The following DDX10 variants were observed in gnomAD, a reference collection of about 807,000 sequenced individuals.
DDX10 encodes probable ATP-dependent RNA helicase DDX10.
In DDX10, 74 loss-of-function variants were observed where a neutral mutation model predicts 104.3. That is an observed-to-expected ratio of 0.71 (90% CI 0.59 to 0.86). The LOEUF is 0.86. Among genes scored for constraint, DDX10 ranks in the 40% least tolerant of loss-of-function variants. The pLI is 0.00. For synonymous variants in DDX10, 351 were observed against 353.4 expected, an observed-to-expected ratio of 0.99 and a Z score of 0.08; for missense variants, 952 against 1,040.0, an observed-to-expected ratio of 0.92 and a Z score of 1.16.
At chr11:108,735,342 A>C (rs1362616858) in intron 13 of DDX10, among the ~76,000 whole-genome samples, 1 of 152,164 alleles carries the variant, frequency 6.6e-6, no homozygotes, top group African/African-American at 2.4e-5. Flanking sequence ...TGTTAGCAAA[A>C]CCAACAGTAT....
At chr11:108,875,382 A>G (rs764129187) in intron 16 of DDX10, among the ~76,000 whole-genome samples, 2 of 152,180 alleles carry the variant, frequency 1.3e-5, no homozygotes, top group Non-Finnish European at 2.9e-5. Context: ...ATGGGTCACA[A>G]GCTTGTGAAA....
intron 16 of DDX10, among the ~76,000 whole-genome samples, chr11:108,876,123 A>G (rs1863151036): frequency 1.3e-5 from 2 of 152,148 alleles, no homozygotes; most frequent in Admixed American, 6.5e-5. Context: ...ATAATTGACT[A>G]TTTCTTGATA....
At chr11:108,803,425 C>G (rs1007916217) in intron 13 of DDX10, among the ~76,000 whole-genome samples, 6 of 151,992 alleles carry the variant, frequency 3.9e-5, no homozygotes, top group African/African-American at 1.4e-4. Flanking sequence ...GAAACCCCAT[C>G]TCTACTAAAA....
At chr11:108,671,234 G>T (rs1448682452) in intron 1 of DDX10, among the ~76,000 whole-genome samples, 1 of 152,202 alleles carries the variant, frequency 6.6e-6, no homozygotes, top group Non-Finnish European at 1.5e-5. Context: ...CTCTATCTCT[G>T]CTCACCACAA....
intron 8 of DDX10, among the ~76,000 whole-genome samples, chr11:108,693,074 G>A (rs1365675208): frequency 6.6e-6 from 1 of 152,098 alleles, no homozygotes; most frequent in East Asian, 1.9e-4. Context: ...AGGCCCCAGT[G>A]TGTGATGTTC....
intron 10 of DDX10, among the ~76,000 whole-genome samples, chr11:108,713,751 G>T (rs760388068): frequency 3.9e-5 from 6 of 152,190 alleles, no homozygotes; most frequent in Admixed American, 1.3e-4. Flanking sequence ...ATTATAAAAA[G>T]AATTGCTGTA....
chr11:108,909,878 C>CACGAAG (rs1863645514), intron 16 of DDX10, among the ~76,000 whole-genome samples: 1 of 152,124 alleles, frequency 6.6e-6, no homozygotes, highest in South Asian at 2.1e-4. Flanking sequence ...AAATAGCATG[C>CACGAAG]ACGAAGACTT....
chr11:108,874,574 G>C (rs1591105712), intron 16 of DDX10, among the ~76,000 whole-genome samples: 1 of 149,446 alleles, frequency 6.7e-6, no homozygotes, highest in East Asian at 1.9e-4. Flanking sequence ...GTATTGCTTT[G>C]TTGCCCAGTC....
intron 13 of DDX10, chr11:108,727,682 G>A (rs2094306966): frequency 6.5e-6 from 1 of 153,900 alleles, no homozygotes; most frequent in African/African-American, 2.4e-5. Context: ...AATCAAAACA[G>A]TAAAAATTCA....
intron 6 of DDX10, among the ~76,000 whole-genome samples, chr11:108,681,022 C>T (rs2094234250): frequency 6.6e-6 from 1 of 152,058 alleles, no homozygotes; most frequent in African/African-American, 2.4e-5. Context: ...ATTTTTGTGA[C>T]AATTAACAAT....
intron 10 of DDX10, among the ~76,000 whole-genome samples, chr11:108,715,194 A>G (rs1170409732): frequency 1.3e-5 from 2 of 152,082 alleles, no homozygotes; most frequent in Non-Finnish European, 2.9e-5. Flanking sequence ...ATTTTATGAT[A>G]TTTGACTGAA....
Position 108,665,169 on chromosome 11 carries a change from A to T in DDX10, c.16A>T (p.Asn6Tyr), listed in dbSNP as rs368051695. 90 of 1,609,858 alleles carry T rather than the reference A, an allele frequency of 5.6e-5. No individual in the cohort carries two copies. Among genetic ancestry groups the T allele is most frequent in the Non-Finnish European group, 7.4e-5 (87 of 1,178,554 alleles). The change falls in exon 1 of 18, where the codon AAC becomes TAC. Residue 6 changes from asparagine (N) to tyrosine (Y), a missense_variant. Physicochemically the swap from Asn to Tyr is moderately radical, Grantham distance 143. Transcript: ENST00000322536. ...CGCCGCCGCAATGGGCAAAACGGCCAACTCTCCGGGTTCGGGAGCCCGACC... is the reference window on the plus strand; with the variant it reads ...CGCCGCCGCAATGGGCAAAACGGCCTACTCTCCGGGTTCGGGAGCCCGACC... MGKTA[N>Y]SPGSGARPDP...
chr11:108,671,875 C>T (rs1197310732), intron 1 of DDX10, among the ~76,000 whole-genome samples: 3 of 151,748 alleles, frequency 2.0e-5, no homozygotes, highest in Non-Finnish European at 4.4e-5. Flanking sequence ...CTGGCTAACA[C>T]GATGAAACCC....
At chr11:108,842,921 C>G (rs903951603) in intron 15 of DDX10, among the ~76,000 whole-genome samples, 1 of 152,206 alleles carries the variant, frequency 6.6e-6, no homozygotes, top group African/African-American at 2.4e-5. Flanking sequence ...TCACCCTCTT[C>G]CCCTTCCTTG....
At chr11:108,715,591 A>G (rs1051673514) in intron 10 of DDX10, among the ~76,000 whole-genome samples, 2 of 152,244 alleles carry the variant, frequency 1.3e-5, no homozygotes, top group Non-Finnish European at 2.9e-5. Flanking sequence ...ACTACTTTCT[A>G]TCTGTTGAGT....
chr11:108,882,709 T>A (rs1863243895), intron 16 of DDX10, among the ~76,000 whole-genome samples: 1 of 152,232 alleles, frequency 6.6e-6, no homozygotes, highest in Non-Finnish European at 1.5e-5. Context: ...TTCTTGTCTG[T>A]GTTAACTTTT....
In DDX10 at chr11:108,665,240, T is replaced by C. The variant is rs1200011432; in HGVS notation, c.87T>C (p.His29=). 1.2e-6 allele frequency: 2 copies of C among 1,612,844 alleles called. No individual in the cohort carries two copies. Among genetic ancestry groups the C allele is most frequent in the South Asian group, 2.2e-5 (2 of 90,826 alleles). The part of the protein sequence containing the change: ...SFNRWKKKHS[H]RQNKKKQLRK... ...ATCGCTGGAAGAAAAAACACAGCCA[T>C]AGGCAGAACAAAAAGAAGCAGTTGA... is the stretch of plus-strand genomic sequence containing the variant. The change falls in exon 1 of 18, where the codon CAT becomes CAC. Residue 29 remains histidine (H), a synonymous_variant. Transcript: ENST00000322536.
At chr11:108,779,544 G>A (rs1456503913) in intron 13 of DDX10, among the ~76,000 whole-genome samples, 2 of 152,030 alleles carry the variant, frequency 1.3e-5, no homozygotes, top group African/African-American at 4.8e-5. Flanking sequence ...CGGGGGTGGT[G>A]GGAGGGGGAA....
rs147922864 is a variant in DDX10 at position 108,812,156 on chromosome 11, A to T, written c.1966-26290A>T. The stretch of plus-strand genomic sequence containing the variant: ...AATTTCCATATAGCTGTTGTTAGAG[A>T]CTTTGCCCAGCAAACTAAATGCTAT... On this transcript the variant is annotated intron_variant, in intron 13 of 17. Transcript: ENST00000322536. Among the ~76,000 whole-genome samples, 594 of 152,284 alleles carry T rather than the reference A, an allele frequency of 3.9e-3. 7 individuals carry two copies. The highest frequency in any genetic ancestry group is 0.014 in the African/African-American group (568 of 41,560).
Sources: gnomAD v4.1 joint callset for allele counts (sites outside exome capture counted in the v4.1 genomes callset) on GRCh38, gnomAD v4.1.1 for gene constraint, MANE v1.5 for transcripts, NCBI Gene and HGNC (gene_info 2026-07-23, HGNC 2026-07-21) for gene names.